Variants in SLC19A1 observed in about 807,000 individuals in gnomAD.
SLC19A1 encodes the protein reduced folate transporter.
In SLC19A1, 37 loss-of-function variants were observed where a neutral mutation model predicts 35.3. The observed-to-expected ratio is 1.05, with a 90% confidence interval of 0.81 to 1.38. The LOEUF is 1.38. Ranked by LOEUF, SLC19A1 falls within the 40% of genes most tolerant of loss-of-function variation. The probability of loss-of-function intolerance (pLI) is 0.00; values close to 1 mark genes in which losing one functional copy is unlikely to be tolerated. For missense variants in SLC19A1, 831 were observed against 826.9 expected, an observed-to-expected ratio of 1.00 and a Z score of -0.06; for synonymous variants, 460 against 398.5, an observed-to-expected ratio of 1.15 and a Z score of -1.84.
At chr21:45,529,186 G>A (rs1375810224) in intron 4 of SLC19A1, among the ~76,000 whole-genome samples, 1 of 152,196 alleles carries the variant, frequency 6.6e-6, no homozygotes, top group Non-Finnish European at 1.5e-5. Context: ...GGGCGGGAGA[G>A]AAGGGTGGGC....
At chr21:45,510,194 G>A (rs767059379), downstream of SLC19A1, 26 of 1,600,080 alleles carry the variant, frequency 1.6e-5, no homozygotes, top group South Asian at 9.0e-5. Context: ...CTGTCCTCGC[G>A]CCTGCAGGAC....
chr21:45,530,900 C>A lies in SLC19A1; in HGVS notation c.1021G>T (p.Gly341Cys). Residue 341 changes from glycine to cysteine, a missense_variant, in exon 4 of 6, where the codon GGC becomes TGC. Gly to Cys is a radical substitution (Grantham distance 159, BLOSUM62 -3). Transcript: ENST00000311124. The surrounding 1 kb of genome is among the most constrained non-coding windows in gnomAD (Gnocchi z 5.3). ...WARWSKLLIA[G>C]VTATQAGLVF... ...AGCCCCGCCTGCGTGGCCGTGACGC[C>A]CGCGATGAGCAGCTTGGACCAGCGC... 1 of 1,479,422 alleles carries A rather than the reference C, an allele frequency of 6.8e-7. No individual in the cohort carries two copies. Among genetic ancestry groups the A allele is most frequent in the Non-Finnish European group, 8.9e-7 (1 of 1,117,354 alleles). The allele number at this position is 1,479,422 out of a possible 1,614,324, so 91.6% of individuals were successfully genotyped here. A position where few individuals can be genotyped will look rare whatever the true frequency, so the allele number is the denominator to read the frequency against.
downstream of SLC19A1, among the ~76,000 whole-genome samples, chr21:45,508,224 G>A (rs2037346954): frequency 6.7e-6 from 1 of 149,234 alleles, no homozygotes; most frequent in African/African-American, 2.5e-5. Flanking sequence ...ATGGGTGGGT[G>A]GATAGTGGGT....
chr21:45,562,299 C>T lies in SLC19A1; in HGVS notation c.-50+443G>A, dbSNP rs114854624. 3.9e-3 allele frequency among the ~76,000 whole-genome samples: 601 copies of T among 152,262 alleles called. 5 individuals are homozygous for T. Among genetic ancestry groups the T allele is most frequent in the African/African-American group, 0.014 (568 of 41,538 alleles). On this transcript the variant is annotated intron_variant, in intron 1 of 5. Transcript: ENST00000650808. ...ACCACACAGGTGCATCACACTGACACGACACCACACGCATTCACCACATCG... is the reference window on the plus strand; with the variant it reads ...ACCACACAGGTGCATCACACTGACATGACACCACACGCATTCACCACATCG...
At chr21:45,554,797 T>G (rs964566265) in intron 1 of SLC19A1, among the ~76,000 whole-genome samples, 3 of 151,848 alleles carry the variant, frequency 2.0e-5, no homozygotes, top group African/African-American at 7.3e-5. Context: ...AGTTGACAAG[T>G]GAATCTTTCT....
In SLC19A1 at chr21:45,516,076, T is replaced by C. The variant is rs1602692629; in HGVS notation, c.1358A>G (p.Asp453Gly). The change falls in exon 6 of 6, where the codon GAT (aspartate) becomes GGT (glycine). Residue 453 changes from aspartate to glycine, a missense_variant. Coordinates refer to ENST00000311124, the MANE Select transcript of SLC19A1 (RefSeq NM_194255.4). Reference protein sequence around the residue: ...SIIYFLGAMLDGLRHCQRGHH... With the variant: ...SIIYFLGAMLGGLRHCQRGHH... ...GCCCCGCTGGCAGTGCCGCAGGCCA[T>C]CCAGCATGGCCCCCAAGAAGTAGAT... The C allele has an allele frequency of 6.3e-7, 1 of 1,598,484 alleles. No homozygotes were observed. Among genetic ancestry groups the C allele is most frequent in the East Asian group, 2.3e-5 (1 of 44,274 alleles).
intron 1 of SLC19A1, among the ~76,000 whole-genome samples, chr21:45,559,601 A>G (rs1003405586): frequency 6.6e-6 from 1 of 152,164 alleles, no homozygotes; most frequent in Admixed American, 6.5e-5. Flanking sequence ...TCCAGGGAGC[A>G]TCCGGCCAAA....
At chr21:45,511,944 GCCCCTCT>G (rs1458254521), downstream of SLC19A1, among the ~76,000 whole-genome samples, 2 of 152,200 alleles carry the variant, frequency 1.3e-5, no homozygotes, top group Non-Finnish European at 2.9e-5. Flanking sequence ...CCAAGCCCTG[GCCCCTCT>G]CCCCTCTGCC....
intron 1 of SLC19A1, 67 bp from the exon 2 acceptor site, chr21:45,538,075 G>A (rs1157237717): frequency 1.1e-5 from 10 of 899,492 alleles, no homozygotes; most frequent in African/African-American, 4.0e-5. Flanking sequence ...CCCGCAAAAC[G>A]AGGCCCAGTG....
At position 45,534,634 on chromosome 21, in the gene SLC19A1, T is replaced by C; in HGVS notation, c.190-2486A>G. The stretch of plus-strand genomic sequence containing the variant: ...GGCACCTCCTGGTCTTAGTTGAGGG[T>C]CTGAGCGCAGAGCTCCCCCTTGGCA... On this transcript the variant is annotated intron_variant, in intron 2 of 5. Transcript: ENST00000311124. This position sits in a 1 kb window ranked among gnomAD's most constrained non-coding sequence, Gnocchi z 4.2. 1 of 1,534,250 alleles carries C rather than the reference T, an allele frequency of 6.5e-7. No homozygotes were observed. The highest frequency in any genetic ancestry group is 8.7e-7 in the Non-Finnish European group (1 of 1,145,732).
chr21:45,511,065 C>A, downstream of SLC19A1: 1 of 826,890 alleles, frequency 1.2e-6, no homozygotes, highest in East Asian at 3.2e-5. Context: ...CACACCCATC[C>A]ACACCCCCAC....
Position 45,531,778 on chromosome 21 carries a change from T to C in SLC19A1, c.560A>G (p.Tyr187Cys). 1 of 1,605,026 alleles carries C rather than the reference T, an allele frequency of 6.2e-7. No homozygotes were observed. ...VGRVSFSTLN[Y>C]ISLAFLTFSV... ...GAAGGTGAGGAAGGCCAGCGAGATG[T>C]AGTTGAGCGTGGAGAAGGAGACTCG... Residue 187 changes from tyrosine to cysteine, a missense_variant, in exon 3 of 6, where the codon TAC (tyrosine) becomes TGC (cysteine). By Grantham distance (194) the Tyr-to-Cys change is radical. Coordinates refer to ENST00000311124, the MANE Select transcript of SLC19A1 (RefSeq NM_194255.4).
chr21:45,526,055 G>A (rs2039276), intron 4 of SLC19A1, 97 bp from the exon 5 acceptor site: 13 of 1,365,084 alleles, frequency 9.5e-6, no homozygotes, highest in Middle Eastern at 2.0e-4. Flanking sequence ...CCCATGACCC[G>A]CCCGGCAGCC....
Position 45,540,147 on chromosome 21 carries a change from AGGCCACGGGTAGAGCT to A in SLC19A1, c.-49-2155_-49-2140del, listed in dbSNP as rs985517090. 1.4e-4 allele frequency among the ~76,000 whole-genome samples: 22 copies of A among 152,258 alleles called. No individual in the cohort carries two copies. Among genetic ancestry groups the A allele is most frequent in the African/African-American group, 5.1e-4 (21 of 41,546 alleles). The stretch of plus-strand genomic sequence containing the variant: ...TCACCAGGGACCCTGATGCCCAGAG[AGGCCACGGGTAGAGCT>A]GGACATACCTCAGACCGCACCCACT... On this transcript the variant is annotated intron_variant, in intron 1 of 5. Transcript: ENST00000311124. The surrounding 1 kb of genome is among the most constrained non-coding windows in gnomAD (Gnocchi z 5.5).
At position 45,530,954 on chromosome 21, in the gene SLC19A1, C is replaced by T. The variant is rs2077863525; in HGVS notation, c.967G>A (p.Ala323Thr). ...CAGCGGATCTTCACGAAGCCCGCGG[C>T]GAAGGACGTGATGGCGCCTGAGAGG... ...STLLGAITSF[A>T]AGFVKIRWAR... Residue 323 changes from alanine (A) to threonine (T), a missense_variant, in exon 4 of 6, where the codon GCC becomes ACC. By Grantham distance (58) the Ala-to-Thr change is moderately conservative (BLOSUM62 0). Transcript: ENST00000311124. This position sits in a 1 kb window ranked among gnomAD's most constrained non-coding sequence, Gnocchi z 5.3. 3.5e-6 allele frequency: 5 copies of T among 1,425,484 alleles called. No individual in the cohort carries two copies. Among genetic ancestry groups the T allele is most frequent in the South Asian group, 1.5e-5 (1 of 65,120 alleles). 88.3% of individuals were successfully genotyped at this position (1,425,484 alleles called of 1,614,324 possible).
chr21:45,541,034 A>AAGAAGG (rs2078288544), intron 1 of SLC19A1, among the ~76,000 whole-genome samples: 1 of 152,058 alleles, frequency 6.6e-6, no homozygotes, highest in South Asian at 2.1e-4. Flanking sequence ...AAAGAAGAAG[A>AAGAAGG]AGAAAGCATT....
downstream of SLC19A1, among the ~76,000 whole-genome samples, chr21:45,511,580 C>T (rs574103436): frequency 3.3e-5 from 5 of 152,256 alleles, no homozygotes; most frequent in East Asian, 5.8e-4. Context: ...AAGGGCAACA[C>T]GGAGTCCGAG....
At chr21:45,532,202 G>A in intron 2 of SLC19A1, 54 bp from the exon 3 acceptor site, 1 of 1,454,862 alleles carries the variant, frequency 6.9e-7, no homozygotes, top group South Asian at 1.3e-5. Flanking sequence ...TGCCGCTGCG[G>A]CAGACACAGC....
downstream of SLC19A1, chr21:45,509,628 G>A (rs761483072): frequency 2.2e-4 from 260 of 1,202,260 alleles, no homozygotes; most frequent in Non-Finnish European, 2.4e-4. Flanking sequence ...AGTGGGCTTG[G>A]CTCCATCTAG....
Sources: gnomAD v4.1 joint callset for allele counts (sites outside exome capture counted in the v4.1 genomes callset) on GRCh38, gnomAD v4.1.1 for gene constraint, Gnocchi (gnomAD v3.1) non-coding constraint, MANE v1.5 for transcripts, NCBI Gene and HGNC (gene_info 2026-07-23, HGNC 2026-07-21) for gene names.